DOK7: variants seen among roughly 807,000 people sequenced by gnomAD.
DOK7 encodes the protein protein Dok-7.
In DOK7, 32 loss-of-function variants were observed where a neutral mutation model predicts 30.7. The observed-to-expected ratio is 1.04, with a 90% CI of 0.79 to 1.40. The LOEUF (loss-of-function observed/expected upper bound fraction) is 1.40, where lower values mean the gene tolerates loss of function less well. DOK7 is among the 40% of genes most tolerant of loss of function. DOK7 has a pLI of 0.00. For missense variants in DOK7, 1,007 were observed against 699.2 expected, an observed-to-expected ratio of 1.44 and a Z score of -4.97; for synonymous variants, 447 against 324.1, an observed-to-expected ratio of 1.38 and a Z score of -4.07.
chr4:3,489,747 G>A lies in DOK7; in HGVS notation c.723G>A (p.Leu241=). ...AGGAAGCCCTGGAAACCCTACAGCTGGAGAAGCGGCTGAGCCTCCTCTCAC... is the reference window on the plus strand; with the variant it reads ...AGGAAGCCCTGGAAACCCTACAGCTAGAGAAGCGGCTGAGCCTCCTCTCAC... ...VAQEALETLQ[L]EKRLSLLSHA... The change falls in exon 6 of 7, where the codon CTG becomes CTA. Residue 241 remains leucine (L), a synonymous_variant. Coordinates refer to ENST00000340083, the MANE Select transcript of DOK7 (RefSeq NM_173660.5). 1 of 1,570,826 alleles carries A rather than the reference G, an allele frequency of 6.4e-7. No homozygotes were observed. The highest frequency in any genetic ancestry group is 8.6e-7 in the Non-Finnish European group (1 of 1,157,928).
rs535295346 is a variant in DOK7 at position 3,493,913 on chromosome 4, A to C, written c.*412A>C. 2.1e-5 allele frequency: 22 copies of C among 1,042,642 alleles called. No individual in the cohort carries two copies. The highest frequency in any genetic ancestry group is 2.1e-4 in the Admixed American group (4 of 19,044). 64.6% of individuals were successfully genotyped at this position (1,042,642 alleles called of 1,614,324 possible). On this transcript the variant is annotated 3_prime_UTR_variant, in exon 7 of 7. Coordinates refer to ENST00000340083, the MANE Select transcript of DOK7 (RefSeq NM_173660.5). ...TCGGGGGTGGCCGGTTCTCCCCATC[A>C]CCTCTCTGGGGCAGTCACACCACCT... is the stretch of plus-strand genomic sequence containing the variant.
chr4:3,494,039 G>C lies in DOK7; in HGVS notation c.*538G>C. 1 of 988,414 alleles carries C rather than the reference G, an allele frequency of 1.0e-6. No individual in the cohort carries two copies. Among genetic ancestry groups the C allele is most frequent in the Non-Finnish European group, 1.2e-6 (1 of 832,130 alleles). The allele number at this position is 988,414 out of a possible 1,614,324, so 61.2% of individuals were successfully genotyped here. A position where few individuals can be genotyped will look rare whatever the true frequency, so the allele number is the denominator to read the frequency against. On this transcript the variant is annotated 3_prime_UTR_variant, in exon 7 of 7. Transcript: ENST00000340083. ...CTGGGCCTCATCCCCATCTATGGGA[G>C]GAAACTGAAGCTCAGGAGGCTGTGT...
chr4:3,480,418 G>A (rs2109354138), intron 4 of DOK7, among the ~76,000 whole-genome samples: 1 of 152,264 alleles, frequency 6.6e-6, no homozygotes, highest in East Asian at 1.9e-4. Context: ...GATCAGCCTG[G>A]TCAACATGGT....
chr4:3,494,475 T>G lies in DOK7; in HGVS notation c.*974T>G. 1 of 985,486 alleles carries G rather than the reference T, an allele frequency of 1.0e-6. No individual in the cohort carries two copies. The highest frequency in any genetic ancestry group is 1.2e-6 in the Non-Finnish European group (1 of 829,908). 61.0% of individuals were successfully genotyped at this position (985,486 alleles called of 1,614,324 possible). A position where few individuals can be genotyped will look rare whatever the true frequency, so the allele number is the denominator to read the frequency against. Reference sequence around the variant, plus strand: ...GTAATAGACTGGAAATAAAATGTTCTTTCCTTACCACCTTGTCCTAGTCCG... The same window carrying G: ...GTAATAGACTGGAAATAAAATGTTCGTTCCTTACCACCTTGTCCTAGTCCG... On this transcript the variant is annotated 3_prime_UTR_variant, in exon 7 of 7. Transcript: ENST00000340083.
At chr4:3,486,961 A>G (rs1459311646) in intron 5 of DOK7, among the ~76,000 whole-genome samples, 2 of 152,118 alleles carry the variant, frequency 1.3e-5, no homozygotes, top group Non-Finnish European at 2.9e-5. Flanking sequence ...AGTACTGGGC[A>G]GAGGATGCCA....
chr4:3,466,999 G>A (rs1008651524), intron 2 of DOK7, among the ~76,000 whole-genome samples: 5 of 152,202 alleles, frequency 3.3e-5, no homozygotes, highest in East Asian at 3.9e-4. Flanking sequence ...GGCCGGCCTG[G>A]TCGATGGCCG....
In DOK7 at chr4:3,493,634, G is replaced by A; in HGVS notation, c.*133G>A. ...GGGACCGGGGGTCTCCCGGAGAGGG[G>A]AGCTGGAGGGCGCGCCCTGTGGCTG... On this transcript the variant is annotated 3_prime_UTR_variant, in exon 7 of 7. Transcript: ENST00000340083. 3 of 1,481,204 alleles carry A rather than the reference G, an allele frequency of 2.0e-6. No homozygotes were observed. Among genetic ancestry groups the A allele is most frequent in the Non-Finnish European group, 2.7e-6 (3 of 1,113,696 alleles). The allele number at this position is 1,481,204 out of a possible 1,614,324, so 91.8% of individuals were successfully genotyped here. A position where few individuals can be genotyped will look rare whatever the true frequency, so the allele number is the denominator to read the frequency against.
intron 6 of DOK7, among the ~76,000 whole-genome samples, chr4:3,490,006 C>CA (rs1728102769): frequency 7.7e-6 from 1 of 129,482 alleles, no homozygotes; most frequent in South Asian, 2.8e-4. Context: ...CTCATTCCTT[C>CA]CTTCTCCTCC....
chr4:3,491,912 C>T (rs563228033), intron 6 of DOK7, among the ~76,000 whole-genome samples: 13 of 152,310 alleles, frequency 8.5e-5, no homozygotes, highest in South Asian at 2.1e-4. Flanking sequence ...GTGCAGGAGC[C>T]GTGCTGGTCC....
At position 3,492,861 on chromosome 4, in the gene DOK7, C is replaced by T. The variant is rs761676338; in HGVS notation, c.875C>T (p.Ala292Val). The part of the protein sequence containing the change: ...TAWPEQSSSS[A>V]STSQEGPRPA... Reference sequence around the variant, plus strand: ...TGGCCAGAGCAATCCTCGTCGTCAGCCAGCACGTCACAGGAGGGGCCTAGA... The same window carrying T: ...TGGCCAGAGCAATCCTCGTCGTCAGTCAGCACGTCACAGGAGGGGCCTAGA... The change falls in exon 7 of 7, where the codon GCC becomes GTC. Residue 292 changes from alanine (A) to valine (V), a missense_variant. Transcript: ENST00000340083. 2.5e-6 allele frequency: 4 copies of T among 1,609,500 alleles called. No individual in the cohort carries two copies. In the Admixed American group the frequency reaches 5.0e-5, roughly 20 times the overall value.
downstream of DOK7, among the ~76,000 whole-genome samples, chr4:3,495,881 A>T (rs867244606): frequency 3.3e-5 from 5 of 152,074 alleles, no homozygotes; most frequent in Admixed American, 6.6e-5. Context: ...AAAGGTTCTC[A>T]AAGTCTAGAC....
chr4:3,500,343 T>C (rs1300588642), exon 7 of DOK7: 1 of 1,535,654 alleles, frequency 6.5e-7, no homozygotes, highest in Non-Finnish European at 8.7e-7. Flanking sequence ...CAGCCCATCC[T>C]CCAGAAAGCA....
intron 4 of DOK7, among the ~76,000 whole-genome samples, chr4:3,478,633 G>C (rs1053387935): frequency 2.2e-5 from 2 of 92,370 alleles, no homozygotes; most frequent in African/African-American, 1.0e-4. Flanking sequence ...GCTCAGTGCT[G>C]AATGTTCTCG....
At chr4:3,492,736 C>G (rs746049063) in intron 6 of DOK7, 23 bp from the exon 7 acceptor site, 1 of 1,611,486 alleles carries the variant, frequency 6.2e-7, no homozygotes, top group Non-Finnish European at 8.5e-7. Context: ...CCACAACTGC[C>G]TTGGCTTCCT....
At chr4:3,466,900 C>T (rs1045521896) in intron 2 of DOK7, among the ~76,000 whole-genome samples, 2 of 152,346 alleles carry the variant, frequency 1.3e-5, no homozygotes, top group African/African-American at 2.4e-5. Context: ...GTTTCCTTCC[C>T]GAACCAGATT....
At chr4:3,496,215 G>A (rs1447390582), downstream of DOK7, among the ~76,000 whole-genome samples, 2 of 152,248 alleles carry the variant, frequency 1.3e-5, no homozygotes, top group African/African-American at 2.4e-5. Flanking sequence ...CAGGGACTTG[G>A]GGCACCCCGT....
At chr4:3,478,160 G>A (rs1367624699) in intron 4 of DOK7, among the ~76,000 whole-genome samples, 3 of 152,168 alleles carry the variant, frequency 2.0e-5, no homozygotes, top group Non-Finnish European at 2.9e-5. Flanking sequence ...AGCCGGCCGG[G>A]GTGGCGCCGC....
At chr4:3,490,509 ATTCTTTCCTTCACCCCCCCGCTCATTCG>A (rs1728257179) in intron 6 of DOK7, among the ~76,000 whole-genome samples, 1 of 70,986 alleles carries the variant, frequency 1.4e-5, no homozygotes, top group Non-Finnish European at 2.6e-5. Flanking sequence ...CCCCCTGCTC[ATTCTTTCCTTCACCCCCCCGCTCATTCG>A]TTCCTTCCTT....
rs1728747285 is a variant in DOK7, at chr4:3,494,105, A to G, written c.*604A>G. On this transcript the variant is annotated 3_prime_UTR_variant, in exon 7 of 7. Coordinates refer to ENST00000340083, the MANE Select transcript of DOK7 (RefSeq NM_173660.5). The stretch of plus-strand genomic sequence containing the variant: ...TGGGTTCTGGGCCCCACTGTTCCCC[A>G]GTGAAGCCCTTGTGGGAAGGTTCCG... The G allele has an allele frequency of 6.1e-6, 6 of 985,852 alleles. No individual in the cohort carries two copies. The highest frequency in any genetic ancestry group is 4.7e-5 in the South Asian group (1 of 21,306). 61.1% of individuals were successfully genotyped at this position (985,852 alleles called of 1,614,324 possible). A position where few individuals can be genotyped will look rare whatever the true frequency, so the allele number is the denominator to read the frequency against.
Sources: gnomAD v4.1 joint callset for allele counts (sites outside exome capture counted in the v4.1 genomes callset) on GRCh38, gnomAD v4.1.1 for gene constraint, MANE v1.5 for transcripts, NCBI Gene and HGNC (gene_info 2026-07-23, HGNC 2026-07-21) for gene names.